Variants in LRIT3 observed in about 807,000 individuals in gnomAD.
The protein encoded by LRIT3 is leucine rich repeat, Ig-like and transmembrane domains 3.
Under a neutral mutation model 22.6 loss-of-function variants are expected in LRIT3, and 14 were observed. The observed-to-expected ratio is 0.62, with a 90% confidence interval of 0.41 to 0.97. The LOEUF is 0.97. LRIT3 is among the 50% of genes least tolerant of loss of function. The pLI is 0.00. For missense variants in LRIT3, 783 were observed against 803.0 expected (o/e 0.98, Z 0.30); for synonymous variants, 306 against 304.5 (o/e 1.01, Z -0.05).
chr4:109,862,905 G>A (rs1309101590), intron 2 of LRIT3, among the ~76,000 whole-genome samples: 2 of 152,088 alleles, frequency 1.3e-5, no homozygotes, highest in East Asian at 3.9e-4. Context: ...TGTTGCACAG[G>A]CTGGCCTTGA....
At chr4:109,852,153 T>A (rs1174830442) in intron 2 of LRIT3, among the ~76,000 whole-genome samples, 177 bp downstream of exon 2, 1 of 152,194 alleles carries the variant, frequency 6.6e-6, no homozygotes, top group Admixed American at 6.5e-5. Context: ...GTGTAAGGTG[T>A]AAGAGCTGTG....
Position 109,870,532 on chromosome 4 carries a change from A to G in LRIT3, c.1783A>G (p.Ile595Val). 3 of 1,614,222 alleles carry G rather than the reference A, an allele frequency of 1.9e-6. No homozygotes were observed. Among genetic ancestry groups the G allele is most frequent in the Non-Finnish European group, 2.5e-6 (3 of 1,180,030 alleles). Residue 595 changes from isoleucine to valine, a missense_variant, in exon 4 of 4, where the codon ATC becomes GTC. By Grantham distance (29) the Ile-to-Val change is conservative. Coordinates refer to ENST00000594814, the MANE Select transcript of LRIT3 (RefSeq NM_198506.5). ...LVVTSTACVVILPLICFLLYK... is the reference protein window; with the variant it reads ...LVVTSTACVVVLPLICFLLYK... ...GGTGACCAGTACTGCCTGTGTTGTT[A>G]TCTTACCATTGATTTGTTTCTTGTT...
chr4:109,850,422 C>CCTTCCTTCCTTCCTTCCTTCTTT (rs66553123), intron 1 of LRIT3, among the ~76,000 whole-genome samples: 15 of 55,108 alleles, frequency 2.7e-4, no homozygotes, highest in South Asian at 7.3e-4. Flanking sequence ...TTCCTTCCTT[C>CCTTCCTTCCTTCCTTCCTTCTTT]CTTTCTTTCT....
At chr4:109,856,760 TTTGA>T (rs1266608845) in intron 2 of LRIT3, among the ~76,000 whole-genome samples, 1 of 152,172 alleles carries the variant, frequency 6.6e-6, no homozygotes, top group African/African-American at 2.4e-5. Context: ...AGATCATTAA[TTTGA>T]TTGGCCAATT....
At chr4:109,860,090 G>A (rs1734498830) in intron 2 of LRIT3, among the ~76,000 whole-genome samples, 1 of 152,114 alleles carries the variant, frequency 6.6e-6, no homozygotes, top group South Asian at 2.1e-4. Context: ...GTTTTGCAAT[G>A]CAGGTAAATT....
chr4:109,865,358 C>A (rs574448913), intron 2 of LRIT3: 4 of 1,500,738 alleles, frequency 2.7e-6, no homozygotes, highest in Admixed American at 3.5e-5. Context: ...TCAACTAATA[C>A]GTACAATAAT....
chr4:109,865,321 A>G (rs907328479), intron 2 of LRIT3: 2 of 1,600,930 alleles, frequency 1.2e-6, no homozygotes, highest in East Asian at 2.2e-5. Flanking sequence ...TCTTTCATAT[A>G]TTTAAATCTG....
In LRIT3 at chr4:109,870,272, A is replaced by G. The variant is rs750319099; in HGVS notation, c.1523A>G (p.Asn508Ser). 9.3e-6 allele frequency: 15 copies of G among 1,614,228 alleles called. No homozygotes were observed. Among genetic ancestry groups the G allele is most frequent in the African/African-American group, 1.3e-5 (1 of 75,066 alleles). Residue 508 changes from asparagine (N) to serine (S), a missense_variant, in exon 4 of 4, where the codon AAC becomes AGC. Around this residue, in one of 2 missense-constraint regions of LRIT3, gnomAD observed 756 missense variants for 753.8 expected, o/e 1.00. Transcript: ENST00000594814. ...GTGACATTGACGTGGAATATGATCAACACCACACATAACTCTGCAGTGACT... is the reference window on the plus strand; with the variant it reads ...GTGACATTGACGTGGAATATGATCAGCACCACACATAACTCTGCAGTGACT... ...ESVTLTWNMI[N>S]TTHNSAVTVL...
intron 2 of LRIT3, among the ~76,000 whole-genome samples, chr4:109,855,187 T>C (rs1185615821): frequency 1.3e-5 from 2 of 152,218 alleles, no homozygotes. Flanking sequence ...TTTTGGTTGG[T>C]AGGCTATTTA....
At position 109,867,859 on chromosome 4, in the gene LRIT3, A is replaced by G; in HGVS notation, c.808A>G (p.Asn270Asp). 1 of 1,614,152 alleles carries G rather than the reference A, an allele frequency of 6.2e-7. No individual in the cohort carries two copies. Among genetic ancestry groups the G allele is most frequent in the Non-Finnish European group, 8.5e-7 (1 of 1,180,016 alleles). The change falls in exon 3 of 4, where the codon AAT becomes GAT. Residue 270 changes from asparagine (N) to aspartate (D), a missense_variant. This residue lies in a region of LRIT3 where 756 missense variants were observed against 753.8 expected (regional missense o/e 1.00). Coordinates refer to ENST00000594814, the MANE Select transcript of LRIT3 (RefSeq NM_198506.5). ...CAAAATCATGTCTGCTCTGGGCAGT[A>G]ATGTTCTACTGCGGTGTGATGCCAC... ...ATKIMSALGS[N>D]VLLRCDATGF...
chr4:109,848,444 T>C, intron 1 of LRIT3, 127 bp downstream of exon 1: 3 of 462,328 alleles, frequency 6.5e-6, no homozygotes. Flanking sequence ...TTAGTGTCCA[T>C]AAGCTTTAAC....
intron 3 of LRIT3, among the ~76,000 whole-genome samples, chr4:109,869,082 T>A (rs540978642): frequency 8.5e-5 from 13 of 152,296 alleles, no homozygotes; most frequent in African/African-American, 3.1e-4. Context: ...TTACCTAAGT[T>A]AAATATAAAA....
intron 2 of LRIT3, among the ~76,000 whole-genome samples, chr4:109,857,260 T>C (rs1024666306): frequency 2.7e-5 from 4 of 149,732 alleles, no homozygotes; most frequent in African/African-American, 9.9e-5. Context: ...TGGTACTCTT[T>C]TTTGTGAATG....
Position 109,871,391 on chromosome 4 carries a change from T to C in LRIT3, c.*602T>C, listed in dbSNP as rs1247353500. 6.6e-6 allele frequency: 1 copy of C among 152,240 alleles called. No homozygotes were observed. Among genetic ancestry groups the C allele is most frequent in the African/African-American group, 2.4e-5 (1 of 41,458 alleles). The allele number at this position is 152,240 out of a possible 1,614,324, so 9.4% of individuals were successfully genotyped here. On this transcript the variant is annotated 3_prime_UTR_variant, in exon 4 of 4. Coordinates refer to ENST00000594814, the MANE Select transcript of LRIT3 (RefSeq NM_198506.5). ...TGCTTTTCTTTAGAAATATAGGTAT[T>C]AGCAAAAGTAAGTATACAAAGAGGA...
Position 109,870,427 on chromosome 4 carries a change from C to T in LRIT3, c.1678C>T (p.Pro560Ser), listed in dbSNP as rs766385700. ...YMACVCPKGV[P>S]PQKDQCITFS... ...GGCCTGTGTCTGTCCAAAAGGAGTG[C>T]CTCCCCAGAAAGACCAATGCATCAC... The change falls in exon 4 of 4, where the codon CCT becomes TCT. Residue 560 changes from proline to serine, a missense_variant. Pro to Ser is a moderately conservative substitution (Grantham distance 74, BLOSUM62 -1). This residue lies in a region of LRIT3 where 756 missense variants were observed against 753.8 expected (regional missense o/e 1.00). Coordinates refer to ENST00000594814, the MANE Select transcript of LRIT3 (RefSeq NM_198506.5). 3 of 1,614,118 alleles carry T rather than the reference C, an allele frequency of 1.9e-6. No individual in the cohort carries two copies. Among genetic ancestry groups the T allele is most frequent in the Non-Finnish European group, 1.7e-6 (2 of 1,180,014 alleles).
chr4:109,869,624 T>C (rs777203063), intron 3 of LRIT3, 21 bp from the exon 4 acceptor site: 2 of 1,525,966 alleles, frequency 1.3e-6, no homozygotes, highest in Non-Finnish European at 1.8e-6. Flanking sequence ...CCTCACAGAC[T>C]ATACATTTGT....
chr4:109,868,010 G>A (rs1579381685), intron 3 of LRIT3, 64 bp downstream of exon 3: 2 of 1,487,920 alleles, frequency 1.3e-6, no homozygotes, highest in East Asian at 2.3e-5. Context: ...AACATCATGT[G>A]TTGTGTGATT....
At position 109,870,485 on chromosome 4, in the gene LRIT3, C is replaced by A; in HGVS notation, c.1736C>A (p.Ser579Tyr). Residue 579 changes from serine (S) to tyrosine (Y), a missense_variant, in exon 4 of 4, where the codon TCT (serine) becomes TAT (tyrosine). Around this residue, in one of 2 missense-constraint regions of LRIT3, gnomAD observed 756 missense variants for 753.8 expected, o/e 1.00. Coordinates refer to ENST00000594814, the MANE Select transcript of LRIT3 (RefSeq NM_198506.5). ...ACTGAAAGAGTTGAAGGAGATGATT[C>A]TCAATGGTCTCTCCTTCTCGTGGTG... ...FSTERVEGDDSQWSLLLVVTS... is the reference protein window; with the variant it reads ...FSTERVEGDDYQWSLLLVVTS... 3 of 1,614,168 alleles carry A rather than the reference C, an allele frequency of 1.9e-6. No homozygotes were observed. The highest frequency in any genetic ancestry group is 2.5e-6 in the Non-Finnish European group (3 of 1,180,016).
chr4:109,867,213 G>A (rs80149730), intron 2 of LRIT3, among the ~76,000 whole-genome samples: 4,593 of 151,996 alleles, frequency 0.03, 221 homozygotes, highest in African/African-American at 0.1. Flanking sequence ...TTAAAGTCTT[G>A]GCTCTGACAC....
Sources: allele counts gnomAD v4.1 joint callset (sites outside exome capture counted in the v4.1 genomes callset), GRCh38; gene constraint gnomAD v4.1.1; regional missense constraint gnomAD v4.1.1; transcripts MANE v1.5; gene names NCBI Gene and HGNC (gene_info 2026-07-23, HGNC 2026-07-21).